KSR2: variants seen among roughly 807,000 people sequenced by gnomAD.
KSR2 encodes kinase suppressor of ras 2.
In KSR2, 25 loss-of-function variants were observed where a neutral mutation model predicts 107.8. The observed-to-expected ratio is 0.23, with a 90% CI of 0.17 to 0.32. The LOEUF (loss-of-function observed/expected upper bound fraction) is 0.32, where lower values mean the gene tolerates loss of function less well. Among genes scored for constraint, KSR2 ranks in the 10% least tolerant of loss-of-function variants. KSR2 has a pLI of 1.00. For synonymous variants in KSR2, 480 were observed against 507.0 expected, an observed-to-expected ratio of 0.95 and a Z score of 0.71; for missense variants, 887 against 1,268.9, an observed-to-expected ratio of 0.70 and a Z score of 4.57.
intron 3 of KSR2, among the ~76,000 whole-genome samples, chr12:117,818,415 C>T (rs2065364790): frequency 6.6e-6 from 1 of 152,142 alleles, no homozygotes; most frequent in African/African-American, 2.4e-5. Flanking sequence ...CCCTCAACTT[C>T]CTCATCTGTA....
chr12:117,858,149 C>A (rs539235465), intron 2 of KSR2, among the ~76,000 whole-genome samples: 9 of 152,320 alleles, frequency 5.9e-5, no homozygotes, highest in African/African-American at 2.2e-4. Context: ...GTCCTGACAT[C>A]ATATTAACCA....
chr12:117,586,726 C>T (rs147139385), intron 5 of KSR2, among the ~76,000 whole-genome samples: 292 of 152,158 alleles, frequency 1.9e-3, no homozygotes, highest in African/African-American at 6.7e-3. Context: ...CAGACAGACC[C>T]TTGACATATA....
At position 117,462,251 on chromosome 12, in the gene KSR2, A is replaced by AG. The variant is rs1870937162; in HGVS notation, c.*4947_*4948insC. The AG allele has an allele frequency of 6.6e-6, 1 of 151,660 alleles. No individual in the cohort carries two copies. Among genetic ancestry groups the AG allele is most frequent in the Admixed American group, 6.6e-5 (1 of 15,220 alleles). 9.4% of individuals were successfully genotyped at this position (151,660 alleles called of 1,614,324 possible). A position where few individuals can be genotyped will look rare whatever the true frequency, so the allele number is the denominator to read the frequency against. ...GTGTCCCCAACAAAAAAAAAAAAAA[A>AG]AAAAAAAAGACATGTTGAAGTCCTC... On this transcript the variant is annotated 3_prime_UTR_variant, in exon 20 of 20. Transcript: ENST00000339824.
intron 5 of KSR2, among the ~76,000 whole-genome samples, chr12:117,659,502 C>A (rs541539899): frequency 6.6e-6 from 1 of 152,168 alleles, no homozygotes; most frequent in Non-Finnish European, 1.5e-5. Flanking sequence ...AACAAAGACA[C>A]GCTAACTTCC....
intron 5 of KSR2, among the ~76,000 whole-genome samples, chr12:117,641,644 A>C (rs977276364): frequency 1.1e-4 from 17 of 152,164 alleles, no homozygotes. Flanking sequence ...TTATACCTGC[A>C]AGGACCCCGT....
chr12:117,471,070 A>T (rs1362542377), intron 18 of KSR2, 121 bp downstream of exon 18: 2 of 1,219,338 alleles, frequency 1.6e-6, no homozygotes, highest in African/African-American at 3.1e-5. Flanking sequence ...GTTGGAATGC[A>T]TATTTTTTTG....
At chr12:117,937,778 G>A (rs981207489) in intron 1 of KSR2, among the ~76,000 whole-genome samples, 2 of 148,478 alleles carry the variant, frequency 1.3e-5, no homozygotes, top group African/African-American at 5.0e-5. Flanking sequence ...GGGCAACATG[G>A]AGAAACCCCC....
chr12:117,641,776 GAGA>G (rs756610110), intron 5 of KSR2, among the ~76,000 whole-genome samples: 5 of 152,122 alleles, frequency 3.3e-5, no homozygotes, highest in Non-Finnish European at 5.9e-5. Flanking sequence ...TGCCCTTGAA[GAGA>G]AGAATAGAAA....
chr12:117,517,123 G>C (rs544675341), intron 14 of KSR2, among the ~76,000 whole-genome samples: 1 of 152,248 alleles, frequency 6.6e-6, no homozygotes, highest in South Asian at 2.1e-4. Flanking sequence ...GACATGGTTT[G>C]GATCCCCCCA....
At chr12:117,790,685 G>C (rs931195103) in intron 3 of KSR2, among the ~76,000 whole-genome samples, 1 of 152,144 alleles carries the variant, frequency 6.6e-6, no homozygotes, top group East Asian at 1.9e-4. Flanking sequence ...TGGCAGGCAG[G>C]TTTGCCAGCT....
At chr12:117,733,868 C>T (rs1473254793) in intron 4 of KSR2, among the ~76,000 whole-genome samples, 1 of 152,026 alleles carries the variant, frequency 6.6e-6, no homozygotes, top group Non-Finnish European at 1.5e-5. Flanking sequence ...TCATAGGCAC[C>T]GAAAAATAAG....
chr12:117,682,873 T>C (rs1022822008), intron 4 of KSR2, among the ~76,000 whole-genome samples: 1 of 151,734 alleles, frequency 6.6e-6, no homozygotes, highest in African/African-American at 2.4e-5. Flanking sequence ...GGATGGAGGA[T>C]TGGAGCAGGG....
chr12:117,764,018 T>A (rs1206453629), intron 3 of KSR2, among the ~76,000 whole-genome samples: 3 of 152,196 alleles, frequency 2.0e-5, no homozygotes, highest in Admixed American at 2.0e-4. Flanking sequence ...CTATAACGAC[T>A]GTAACAAGAG....
intron 4 of KSR2, among the ~76,000 whole-genome samples, chr12:117,696,517 G>A (rs568951315): frequency 2.0e-5 from 3 of 151,930 alleles, no homozygotes; most frequent in Admixed American, 6.6e-5. Flanking sequence ...GCACTGGTCG[G>A]GGGGAGTATC....
At position 117,910,399 on chromosome 12, in the gene KSR2, C is replaced by T. The variant is rs973380569; in HGVS notation, c.181-49968G>A. 2.0e-5 allele frequency among the ~76,000 whole-genome samples: 3 copies of T among 152,082 alleles called. No individual in the cohort carries two copies. The South Asian group carries it at 6.2e-4, about 31-fold the overall frequency. Reference sequence around the variant, plus strand: ...TGCCTCACAGACTGGTTGTGAGGTTCCAATCAGGTATGAAAAGTGCTCAAC... The same window carrying T: ...TGCCTCACAGACTGGTTGTGAGGTTTCAATCAGGTATGAAAAGTGCTCAAC... On this transcript the variant is annotated intron_variant, in intron 1 of 19. Coordinates refer to ENST00000339824, the MANE Select transcript of KSR2 (RefSeq NM_173598.6).
Position 117,783,343 on chromosome 12 carries a change from G to A in KSR2, c.473-21819C>T, listed in dbSNP as rs368895187. On this transcript the variant is annotated intron_variant, in intron 3 of 19. Transcript: ENST00000339824. ...AGCCTCTGCATCATGTCAACGCATT[G>A]AGCAAGGTGCCAAGTAGCACGACAA... 1.8e-3 allele frequency among the ~76,000 whole-genome samples: 268 copies of A among 152,316 alleles called. 1 individual carries two copies. Among genetic ancestry groups the A allele is most frequent in the African/African-American group, 6.1e-3 (255 of 41,562 alleles).
chr12:117,539,683 G>C (rs771133803), intron 10 of KSR2, 36 bp downstream of exon 10: 1 of 1,551,044 alleles, frequency 6.4e-7, no homozygotes, highest in East Asian at 2.3e-5. Context: ...CCCCTCCAAC[G>C]CTGCACCCCT....
Position 117,465,450 on chromosome 12 carries a change from A to T in KSR2, c.*1749T>A, listed in dbSNP as rs901043362. 4 of 152,168 alleles carry T rather than the reference A, an allele frequency of 2.6e-5. No individual in the cohort carries two copies. Among genetic ancestry groups the T allele is most frequent in the African/African-American group, 9.7e-5 (4 of 41,444 alleles). The allele number at this position is 152,168 out of a possible 1,614,324, so 9.4% of individuals were successfully genotyped here. A position where few individuals can be genotyped will look rare whatever the true frequency, so the allele number is the denominator to read the frequency against. ...GCAATTCAGGAGGGCCCTTTGGGAA[A>T]CACAGGGGTTTCCTGTAGCCAGGCT... On this transcript the variant is annotated 3_prime_UTR_variant, in exon 20 of 20. Coordinates refer to ENST00000339824, the MANE Select transcript of KSR2 (RefSeq NM_173598.6).
chr12:117,728,446 T>C (rs992360192), intron 4 of KSR2, among the ~76,000 whole-genome samples: 2 of 152,150 alleles, frequency 1.3e-5, no homozygotes, highest in African/African-American at 4.8e-5. Context: ...TCAAAGCAAA[T>C]TGGCCCAGGC....
Sources: gnomAD v4.1 joint callset for allele counts (sites outside exome capture counted in the v4.1 genomes callset) on GRCh38, gnomAD v4.1.1 for gene constraint, MANE v1.5 for transcripts, NCBI Gene and HGNC (gene_info 2026-07-23, HGNC 2026-07-21) for gene names.